Variants in MCTP2 observed in about 807,000 individuals in gnomAD.
MCTP2 encodes multiple C2 and transmembrane domain containing 2, also known as multiple C2 and transmembrane domain-containing protein 2.
Under a neutral mutation model 111.6 loss-of-function variants are expected in MCTP2, and 132 were observed. The observed-to-expected ratio is 1.18, with a 90% confidence interval of 1.03 to 1.37. MCTP2 has a LOEUF of 1.37. MCTP2 is among the 40% of genes most tolerant of loss of function. The probability of loss-of-function intolerance (pLI) is 0.00; values close to 1 mark genes in which losing one functional copy is unlikely to be tolerated. For missense variants in MCTP2, 1,183 were observed against 1,067.9 expected, an observed-to-expected ratio of 1.11 and a Z score of -1.50; for synonymous variants, 395 against 387.7, an observed-to-expected ratio of 1.02 and a Z score of -0.22.
At chr15:94,383,603 T>C (rs552864817) in intron 12 of MCTP2, among the ~76,000 whole-genome samples, 1 of 152,250 alleles carries the variant, frequency 6.6e-6, no homozygotes, top group African/African-American at 2.4e-5. Context: ...CAAAAGAGAA[T>C]GAGAGCCAAG....
chr15:94,284,788 G>A (rs2074672432), intron 1 of MCTP2, among the ~76,000 whole-genome samples: 1 of 152,016 alleles, frequency 6.6e-6, no homozygotes, highest in Admixed American at 6.6e-5. Context: ...GAGCTTATTG[G>A]CCCAGGGATC....
chr15:94,470,529 T>C (rs771434217), intron 21 of MCTP2, 87 bp downstream of exon 21: 35 of 986,904 alleles, frequency 3.5e-5, no homozygotes, highest in Non-Finnish European at 5.2e-5. Flanking sequence ...TAATTTTAAA[T>C]GTGCTCTTGT....
chr15:94,238,116 AG>A (rs2070696711), intron 1 of MCTP2, among the ~76,000 whole-genome samples: 1 of 152,138 alleles, frequency 6.6e-6, no homozygotes, highest in African/African-American at 2.4e-5. Flanking sequence ...GGACCTCCTG[AG>A]GGCTGAGTCA....
intron 17 of MCTP2, among the ~76,000 whole-genome samples, chr15:94,408,071 T>C (rs1159182852): frequency 6.6e-6 from 1 of 152,218 alleles, no homozygotes; most frequent in Non-Finnish European, 1.5e-5. Context: ...ATTTATGTGT[T>C]AACTGTGTCT....
chr15:94,347,577 A>T (rs2078051146), intron 8 of MCTP2, among the ~76,000 whole-genome samples: 1 of 152,186 alleles, frequency 6.6e-6, no homozygotes. Flanking sequence ...TAGTAAATAC[A>T]ATGAGATTGC....
chr15:94,251,922 A>G (rs185152417), intron 1 of MCTP2, among the ~76,000 whole-genome samples: 130 of 152,340 alleles, frequency 8.5e-4, no homozygotes, highest in African/African-American at 3.0e-3. Context: ...TTCCCGTAGC[A>G]TAATGTCCTC....
chr15:94,436,601 C>T (rs976357965), intron 17 of MCTP2, among the ~76,000 whole-genome samples: 3 of 152,040 alleles, frequency 2.0e-5, no homozygotes, highest in African/African-American at 7.2e-5. Flanking sequence ...CCGATAGAGG[C>T]CAATGCTATA....
At chr15:94,423,553 G>A (rs2082724832) in intron 17 of MCTP2, among the ~76,000 whole-genome samples, 1 of 152,152 alleles carries the variant, frequency 6.6e-6, no homozygotes, top group Admixed American at 6.5e-5. Context: ...TATTTAAAAA[G>A]AAATGTTCCT....
chr15:94,355,280 A>C (rs532603615), intron 8 of MCTP2, among the ~76,000 whole-genome samples: 1 of 152,382 alleles, frequency 6.6e-6, no homozygotes, highest in South Asian at 2.1e-4. Flanking sequence ...ATGAAAGCAT[A>C]GGTAAAATAA....
intron 1 of MCTP2, among the ~76,000 whole-genome samples, chr15:94,279,773 A>G (rs565253824): frequency 1.3e-5 from 2 of 152,020 alleles, no homozygotes; most frequent in Admixed American, 6.6e-5. Context: ...TTTATTTATT[A>G]TGTTCCTTTG....
chr15:94,396,096 A>G lies in MCTP2; in HGVS notation c.1789-2865A>G, dbSNP rs189454082. Among the ~76,000 whole-genome samples, 33 of 152,300 alleles carry G rather than the reference A, an allele frequency of 2.2e-4. 2 individuals carry two copies. In the East Asian group the frequency reaches 6.2e-3, roughly 28 times the overall value. On this transcript the variant is annotated intron_variant, in intron 14 of 22. Transcript: ENST00000357742. ...AGGCAAGTATACAAAAATGTGTAGTAAGTCAATTTGAAGAGTTTATCCTGG... is the reference window on the plus strand; with the variant it reads ...AGGCAAGTATACAAAAATGTGTAGTGAGTCAATTTGAAGAGTTTATCCTGG...
At chr15:94,323,157 A>G (rs1321124594) in intron 4 of MCTP2, among the ~76,000 whole-genome samples, 2 of 152,184 alleles carry the variant, frequency 1.3e-5, no homozygotes, top group East Asian at 3.8e-4. Context: ...AAGATTGCTG[A>G]ACTACACCAT....
intron 2 of MCTP2, among the ~76,000 whole-genome samples, chr15:94,307,847 T>C (rs1384958288): frequency 6.6e-6 from 1 of 152,078 alleles, no homozygotes; most frequent in Admixed American, 6.5e-5. Context: ...TCACTTTCGG[T>C]GGGGAATGTT....
chr15:94,437,155 CAAAAA>C (rs11352999), intron 17 of MCTP2, among the ~76,000 whole-genome samples: 19 of 69,582 alleles, frequency 2.7e-4, no homozygotes, highest in African/African-American at 8.1e-4. Context: ...CTTACACATC[CAAAAA>C]AAAAAAAAAA....
intron 20 of MCTP2, among the ~76,000 whole-genome samples, chr15:94,465,480 CCT>C (rs1373249597): frequency 1.3e-5 from 2 of 151,986 alleles, no homozygotes; most frequent in African/African-American, 2.4e-5. Context: ...GTGGTGTTCC[CCT>C]CTCTTTTAAG....
chr15:94,298,295 C>T lies in MCTP2; in HGVS notation c.30C>T (p.Gly10=). ...ATCTGGATAAACCATCTGTTTGGGG[C>T]TCATTAAAACAGCGGACCAGGCCAT... MDLDKPSVW[G]SLKQRTRPLL... The change falls in exon 2 of 23, where the codon GGC becomes GGT. Residue 10 remains glycine, a synonymous_variant. Transcript: ENST00000357742. 1 of 1,613,286 alleles carries T rather than the reference C, an allele frequency of 6.2e-7. No homozygotes were observed.
chr15:94,262,671 T>TG (rs1041264972), intron 1 of MCTP2, among the ~76,000 whole-genome samples: 47 of 151,968 alleles, frequency 3.1e-4, no homozygotes, highest in Middle Eastern at 3.4e-3. Context: ...CTTTTTTTTT[T>TG]TGTGGGGGTG....
intron 1 of MCTP2, among the ~76,000 whole-genome samples, chr15:94,296,467 TGTATTA>T (rs1293313357): frequency 6.6e-6 from 1 of 152,214 alleles, no homozygotes. Flanking sequence ...GCACTTTCTG[TGTATTA>T]GTCCATTCAG....
At chr15:94,469,482 A>C (rs1490455704) in intron 20 of MCTP2, among the ~76,000 whole-genome samples, 2 of 152,232 alleles carry the variant, frequency 1.3e-5, no homozygotes, top group Admixed American at 6.5e-5. Flanking sequence ...TTCCCCATTT[A>C]TTTCAAGACA....
Sources: gnomAD v4.1 joint callset for allele counts (sites outside exome capture counted in the v4.1 genomes callset) on GRCh38, gnomAD v4.1.1 for gene constraint, MANE v1.5 for transcripts, NCBI Gene and HGNC (gene_info 2026-07-23, HGNC 2026-07-21) for gene names.